Variants in CEP85L observed in about 807,000 individuals in gnomAD.
CEP85L encodes centrosomal protein of 85 kDa-like.
Under a neutral mutation model 100.3 loss-of-function variants are expected in CEP85L, and 60 were observed. That is an observed-to-expected ratio of 0.60 (90% CI 0.49 to 0.74). CEP85L has a LOEUF of 0.74. CEP85L is among the 30% of genes least tolerant of loss of function. The pLI is 0.00. For missense variants in CEP85L, 973 were observed against 936.2 expected (o/e 1.04, Z -0.51); for synonymous variants, 319 against 322.7 (o/e 0.99, Z 0.12).
In CEP85L at chr6:118,544,776, T is replaced by G. The variant is rs1026957930; in HGVS notation, c.1020+20753A>C. Among the ~76,000 whole-genome samples, 3 of 152,178 alleles carry G rather than the reference T, an allele frequency of 2.0e-5. No homozygotes were observed. In the South Asian group the frequency reaches 6.2e-4, roughly 32 times the overall value. On this transcript the variant is annotated intron_variant, in intron 3 of 12. Coordinates refer to ENST00000368491, the MANE Select transcript of CEP85L (RefSeq NM_001042475.3). Reference sequence around the variant, plus strand: ...TCCCCCAAATGACCCCTAAGCTTTATAGGTTACTTTATCACTGGGTTATAT... The same window carrying G: ...TCCCCCAAATGACCCCTAAGCTTTAGAGGTTACTTTATCACTGGGTTATAT...
rs138205148 is a variant in CEP85L at position 118,643,277 on chromosome 6, A to T, written c.73+7920T>A. 3.3e-3 allele frequency among the ~76,000 whole-genome samples: 502 copies of T among 152,338 alleles called. 4 individuals carry two copies. Among genetic ancestry groups the T allele is most frequent in the African/African-American group, 0.012 (485 of 41,568 alleles). On this transcript the variant is annotated intron_variant, in intron 1 of 12. Coordinates refer to ENST00000368491, the MANE Select transcript of CEP85L (RefSeq NM_001042475.3). The stretch of plus-strand genomic sequence containing the variant: ...AGACAGAATGCTCAGTATTAATGAG[A>T]ATGCTTTAGAAAAGCTTCAGAAATG...
At chr6:118,560,454 T>C (rs1015388114) in intron 3 of CEP85L, 1 of 166,986 alleles carries the variant, frequency 6.0e-6, no homozygotes, top group Non-Finnish European at 1.5e-5. Context: ...TGTCTTCACA[T>C]TGAGTAGGCA....
At chr6:118,660,613 A>G (rs1775939684) in intron 1 of CEP85L, among the ~76,000 whole-genome samples, 1 of 152,228 alleles carries the variant, frequency 6.6e-6, no homozygotes, top group South Asian at 2.1e-4. Context: ...TCTATATTGA[A>G]TGTCTTTTCA....
At chr6:118,632,737 T>C in intron 1 of CEP85L, 126 bp from the exon 2 acceptor site, 1 of 613,498 alleles carries the variant, frequency 1.6e-6, no homozygotes, top group Non-Finnish European at 2.6e-6. Flanking sequence ...CCAAAATAAT[T>C]TAAAATGATC....
upstream of CEP85L, chr6:118,651,947 C>T (rs573434635): frequency 3.0e-6 from 3 of 984,900 alleles, no homozygotes; most frequent in Non-Finnish European, 3.6e-6. Flanking sequence ...CACAACCGCT[C>T]GAGATGAAAA....
intron 2 of CEP85L, among the ~76,000 whole-genome samples, chr6:118,615,891 TC>T (rs1773007182): frequency 6.6e-6 from 1 of 152,172 alleles, no homozygotes; most frequent in Admixed American, 6.5e-5. Context: ...TAAATTTGGG[TC>T]TGGTGTCTCC....
chr6:118,541,223 C>CTCA (rs751692222), intron 3 of CEP85L, among the ~76,000 whole-genome samples: 2 of 152,198 alleles, frequency 1.3e-5, no homozygotes, highest in Non-Finnish European at 2.9e-5. Context: ...CTGGAGCCCA[C>CTCA]TCATCACCTT....
At chr6:118,696,678 TTTTTTG>T (rs1777222741) in intron 1 of CEP85L, among the ~76,000 whole-genome samples, 2 of 148,216 alleles carry the variant, frequency 1.3e-5, no homozygotes, top group African/African-American at 5.1e-5. Context: ...CTCCACAGAG[TTTTTTG>T]TTGTTGTTGT....
At chr6:118,668,543 C>A (rs1228834194) in intron 1 of CEP85L, among the ~76,000 whole-genome samples, 1 of 152,140 alleles carries the variant, frequency 6.6e-6, no homozygotes, top group East Asian at 1.9e-4. Context: ...CCCAGGGGTT[C>A]AAGTCCAGCC....
intron 4 of CEP85L, among the ~76,000 whole-genome samples, chr6:118,515,852 C>G (rs1257229526): frequency 6.6e-6 from 1 of 152,074 alleles, no homozygotes; most frequent in Non-Finnish European, 1.5e-5. Context: ...GTTTGCTGCA[C>G]CCACATCATC....
rs1015870589 is a variant in CEP85L, at chr6:118,464,735, T to C, written c.*670A>G. 1 of 152,094 alleles carries C rather than the reference T, an allele frequency of 6.6e-6. No individual in the cohort carries two copies. Among genetic ancestry groups the C allele is most frequent in the Admixed American group, 6.6e-5 (1 of 15,234 alleles). 9.4% of individuals were successfully genotyped at this position (152,094 alleles called of 1,614,324 possible). On this transcript the variant is annotated 3_prime_UTR_variant, in exon 13 of 13. Transcript: ENST00000368491. ...GCATCACGTCAAAATTTCACACCTCTTGGGAAATCCACAATCACTCTGGAA... is the reference window on the plus strand; with the variant it reads ...GCATCACGTCAAAATTTCACACCTCCTGGGAAATCCACAATCACTCTGGAA...
chr6:118,469,450 G>A lies in CEP85L; in HGVS notation c.2023-147C>T, dbSNP rs75680069. 1,902 of 609,302 alleles carry A rather than the reference G, an allele frequency of 3.1e-3. 23 individuals carry two copies. The highest frequency in any genetic ancestry group is 0.03 in the African/African-American group (1,644 of 54,178). 37.7% of individuals were successfully genotyped at this position (609,302 alleles called of 1,614,324 possible). ...ATTAACCAAATTCAACTACATATAT[G>A]CAGTGGGAAAAAAAACACATAGAAA... is the stretch of plus-strand genomic sequence containing the variant. On this transcript the variant is annotated intron_variant, in intron 11 of 12. Transcript: ENST00000368491.
intron 12 of CEP85L, among the ~76,000 whole-genome samples, chr6:118,465,969 G>T (rs1280113708): frequency 1.3e-5 from 2 of 152,072 alleles, no homozygotes; most frequent in African/African-American, 4.8e-5. Context: ...TGCAAAGTGG[G>T]TTTACTGCCA....
intron 3 of CEP85L, among the ~76,000 whole-genome samples, chr6:118,541,176 C>T (rs1272255759): frequency 6.6e-6 from 1 of 152,192 alleles, no homozygotes; most frequent in East Asian, 1.9e-4. Context: ...TTACAAATGA[C>T]TTTGCCAAAG....
Position 118,479,825 on chromosome 6 carries a change from A to G in CEP85L, c.1914+46T>C, listed in dbSNP as rs746254518. 3.3e-6 allele frequency: 3 copies of G among 922,366 alleles called. No individual in the cohort carries two copies. In the South Asian group the frequency reaches 4.8e-5, roughly 15 times the overall value. 57.1% of individuals were successfully genotyped at this position (922,366 alleles called of 1,614,324 possible). ...TTCAGATTAAATAAGCATTAAGAGT[A>G]TATCAGAATATAGCTAAATTAAAAT... On this transcript the variant is annotated intron_variant, in intron 10 of 12. Coordinates refer to ENST00000368491, the MANE Select transcript of CEP85L (RefSeq NM_001042475.3).
chr6:118,688,667 T>C (rs1776924540), intron 1 of CEP85L, among the ~76,000 whole-genome samples: 1 of 152,244 alleles, frequency 6.6e-6, no homozygotes. Context: ...TGACAAATCA[T>C]GGGCCAGATT....
chr6:118,532,419 G>C (rs1309867640), intron 3 of CEP85L, among the ~76,000 whole-genome samples: 1 of 152,064 alleles, frequency 6.6e-6, no homozygotes, highest in Non-Finnish European at 1.5e-5. Context: ...TGCTATGCTT[G>C]CTGCCTGGAT....
intron 2 of CEP85L, among the ~76,000 whole-genome samples, chr6:118,607,845 C>A (rs568094350): frequency 6.6e-6 from 1 of 152,150 alleles, no homozygotes; most frequent in African/African-American, 2.4e-5. Context: ...TAGACCCCAC[C>A]ACTTACCCAA....
upstream of CEP85L, among the ~76,000 whole-genome samples, chr6:118,652,061 G>A (rs1775603139): frequency 3.3e-5 from 5 of 152,132 alleles, no homozygotes; most frequent in South Asian, 1.0e-3. Context: ...TACTTTAGGG[G>A]CAGAAAAGGG....
Sources: allele counts gnomAD v4.1 joint callset (sites outside exome capture counted in the v4.1 genomes callset), GRCh38; gene constraint gnomAD v4.1.1; transcripts MANE v1.5; gene names NCBI Gene and HGNC (gene_info 2026-07-23, HGNC 2026-07-21).